Variants in ITIH4 observed in about 807,000 individuals in gnomAD.
The protein encoded by ITIH4 is inter-alpha-trypsin inhibitor heavy chain 4, also known as inter-alpha-trypsin inhibitor heavy chain H4.
A neutral mutation model predicts 111.8 loss-of-function variants in ITIH4; 79 were observed. The observed-to-expected ratio is 0.71, with a 90% CI of 0.59 to 0.85. ITIH4 has a LOEUF of 0.85. Ranked by LOEUF, ITIH4 falls within the 40% of genes least tolerant of loss-of-function variation. The probability of loss-of-function intolerance (pLI) is 0.00; values close to 1 mark genes in which losing one functional copy is unlikely to be tolerated. For missense variants in ITIH4, 1,065 were observed against 1,195.8 expected, an observed-to-expected ratio of 0.89 and a Z score of 1.61; for synonymous variants, 472 against 468.3, an observed-to-expected ratio of 1.01 and a Z score of -0.10.
intron 2 of ITIH4, among the ~76,000 whole-genome samples, chr3:52,827,561 A>T (rs898139723): frequency 5.3e-5 from 8 of 152,134 alleles, no homozygotes; most frequent in Middle Eastern, 3.2e-3. Context: ...CATTTCACGG[A>T]CTGTTCCAGG....
chr3:52,827,027 A>G, intron 3 of ITIH4, 66 bp downstream of exon 3: 5 of 1,611,684 alleles, frequency 3.1e-6, no homozygotes, highest in Non-Finnish European at 4.2e-6. Context: ...GAGCAGGACT[A>G]AGGGCCAAAG....
At position 52,813,182 on chromosome 3, in the gene ITIH4, T is replaced by A. The variant is rs1700220958; in HGVS notation, c.*239A>T. ...ATGGGCCTTCCTGGCCATGGGCTCTTGAGAGCTGACAGTGGAAGCTTCTGT... is the reference window on the plus strand; with the variant it reads ...ATGGGCCTTCCTGGCCATGGGCTCTAGAGAGCTGACAGTGGAAGCTTCTGT... On this transcript the variant is annotated 3_prime_UTR_variant, in exon 24 of 24. Transcript: ENST00000266041. 1 of 519,632 alleles carries A rather than the reference T, an allele frequency of 1.9e-6. No homozygotes were observed. Among genetic ancestry groups the A allele is most frequent in the Admixed American group, 3.4e-5 (1 of 29,444 alleles). 32.2% of individuals were successfully genotyped at this position (519,632 alleles called of 1,614,324 possible).
In ITIH4 at chr3:52,818,522, G is replaced by A. The variant is rs4687657; in HGVS notation, c.2092C>T (p.Pro698Ser). ...RRLAILPASA[P>S]PATSNPDPAV... ...GGATCAGGATTTGAGGTGGCTGGTG[G>A]TGCTGAAGCAGGCACTAGGGCAGGA... Residue 698 changes from proline to serine, a missense_variant, in exon 18 of 24, where the codon CCA (proline) becomes TCA (serine). By Grantham distance (74) the Pro-to-Ser change is moderately conservative. Coordinates refer to ENST00000266041, the MANE Select transcript of ITIH4 (RefSeq NM_002218.5). The A allele has an allele frequency of 2.9e-5, 47 of 1,602,408 alleles. No individual in the cohort carries two copies. Among genetic ancestry groups the A allele is most frequent in the Non-Finnish European group, 4.0e-5 (47 of 1,174,384 alleles).
At position 52,817,061 on chromosome 3, in the gene ITIH4, G is replaced by A. The variant is rs540109340; in HGVS notation, c.2297-3C>T. 3.5e-5 allele frequency: 57 copies of A among 1,612,176 alleles called. No homozygotes were observed. In the East Asian group the frequency reaches 1.0e-3, roughly 29 times the overall value. ...ATACTGGCCAGTCACCTCAACCCCT[G>A]GGAGGACCAGACCAGAGAGGTCATA... On this transcript the variant is annotated splice_region_variant and splice_polypyrimidine_tract_variant and intron_variant, in intron 20 of 23. Transcript: ENST00000266041.
chr3:52,821,676 T>C (rs375139307), intron 11 of ITIH4, among the ~76,000 whole-genome samples: 27 of 152,118 alleles, frequency 1.8e-4, no homozygotes, highest in African/African-American at 5.5e-4. Flanking sequence ...CGTGGGACAA[T>C]GACAGGGAAG....
At chr3:52,818,818 G>T (rs1472149672) in intron 17 of ITIH4, 3 of 482,744 alleles carry the variant, frequency 6.2e-6, no homozygotes, top group South Asian at 4.8e-5. Context: ...TTCCTAGAAG[G>T]TTTCCTCATG....
chr3:52,824,386 G>A lies in ITIH4; in HGVS notation c.1045+11C>T, dbSNP rs779002640. 1.4e-5 allele frequency: 22 copies of A among 1,613,784 alleles called. No homozygotes were observed. The African/African-American group carries it at 2.5e-4, about 19-fold the overall frequency. ...GAAGCCCCCACCCTGCAGGGCCACA[G>A]AGACACTTACCTCCCAGGGCCTGGA... is the stretch of plus-strand genomic sequence containing the variant. On this transcript the variant is annotated intron_variant, in intron 8 of 23. Transcript: ENST00000266041. The surrounding 1 kb of genome is among the most constrained non-coding windows in gnomAD (Gnocchi z 4.3).
chr3:52,823,762 T>G lies in ITIH4; in HGVS notation c.1354-21A>C, dbSNP rs34860124. ...AAGTCCTGCAGGGTTGGGGGTGTCA[T>G]AAAGGCTGGGCTTTATGACTGCCCA... On this transcript the variant is annotated intron_variant, in intron 10 of 23. Transcript: ENST00000266041. 42 of 1,613,768 alleles carry G rather than the reference T, an allele frequency of 2.6e-5. No individual in the cohort carries two copies. The East Asian group carries it at 9.4e-4, about 36-fold the overall frequency.
intron 17 of ITIH4, 37 bp from the exon 18 acceptor site, chr3:52,818,573 G>A (rs1172756618): frequency 6.4e-7 from 1 of 1,564,742 alleles, no homozygotes; most frequent in Admixed American, 1.9e-5. Context: ...AAGGGAGCAG[G>A]AAGGCAGTCA....
chr3:52,827,331 G>A, intron 2 of ITIH4, 134 bp from the exon 3 acceptor site: 1 of 737,496 alleles, frequency 1.4e-6, no homozygotes, highest in Non-Finnish European at 2.4e-6. Flanking sequence ...TGAGCCCAGT[G>A]CCATTTATTA....
Position 52,826,797 on chromosome 3 carries a change from G to A in ITIH4, c.513C>T (p.His171=). 7 of 1,613,768 alleles carry A rather than the reference G, an allele frequency of 4.3e-6. No homozygotes were observed. The highest frequency in any genetic ancestry group is 5.9e-6 in the Non-Finnish European group (7 of 1,179,996). ...LKVRPQQLVK[H]LQMDIHIFEP... is the part of the protein sequence containing the mutation. ...AAGAGGTAGCAGCAGGTACCTGCAGGTGCTTGACCAGCTGCTGGGGCCGCA... is the reference window on the plus strand; with the variant it reads ...AAGAGGTAGCAGCAGGTACCTGCAGATGCTTGACCAGCTGCTGGGGCCGCA... The change falls in exon 4 of 24, where the codon CAC becomes CAT. Residue 171 remains histidine (H), a synonymous_variant. Transcript: ENST00000266041.
chr3:52,820,313 A>C lies in ITIH4; in HGVS notation c.1839T>G (p.Ser613Arg), dbSNP rs778526141. 6.2e-7 allele frequency: 1 copy of C among 1,613,932 alleles called. No individual in the cohort carries two copies. Among genetic ancestry groups the C allele is most frequent in the South Asian group, 1.1e-5 (1 of 91,078 alleles). Residue 613 changes from serine to arginine, a missense_variant, in exon 14 of 24, where the codon AGT becomes AGG. By Grantham distance (110) the Ser-to-Arg change is moderately radical (BLOSUM62 -1). Transcript: ENST00000266041. ...QVAEKPMEGE[S>R]RNRNVHSGST... ...TACCTGAGTGGACATTCCTGTTTCTACTTTCTGGATAAAACAAAGAGAGAG... is the reference window on the plus strand; with the variant it reads ...TACCTGAGTGGACATTCCTGTTTCTCCTTTCTGGATAAAACAAAGAGAGAG...
In ITIH4 at chr3:52,826,792, T is replaced by A; in HGVS notation, c.518A>T (p.Gln173Leu). ...CCTGGAAGAGGTAGCAGCAGGTACC[T>A]GCAGGTGCTTGACCAGCTGCTGGGG... ...VRPQQLVKHL[Q>L]MDIHIFEPQG... The change falls in exon 4 of 24, where the codon CAG (glutamine) becomes CTG (leucine). Residue 173 changes from glutamine to leucine, a missense_variant and splice_region_variant. By Grantham distance (113) the Gln-to-Leu change is moderately radical. Transcript: ENST00000266041. 1.2e-6 allele frequency: 2 copies of A among 1,613,744 alleles called. No homozygotes were observed. The highest frequency in any genetic ancestry group is 1.7e-6 in the Non-Finnish European group (2 of 1,179,988).
rs1193821368 is a variant in ITIH4 at position 52,820,691 on chromosome 3, C to T, written c.1774G>A (p.Val592Ile). 3.1e-6 allele frequency: 5 copies of T among 1,614,078 alleles called. No homozygotes were observed. Among genetic ancestry groups the T allele is most frequent in the South Asian group, 1.1e-5 (1 of 91,072 alleles). The change falls in exon 13 of 24, where the codon GTA becomes ATA. Residue 592 changes from valine to isoleucine, a missense_variant. Coordinates refer to ENST00000266041, the MANE Select transcript of ITIH4 (RefSeq NM_002218.5). ...TCTTGGTCATCGGGTTTGGTGACTA[C>T]CATAGATGTGAGAGGCGTGACAAAG... is the stretch of plus-strand genomic sequence containing the variant. ...YSFVTPLTSM[V>I]VTKPDDQEQS...
In ITIH4 at chr3:52,819,380, G is replaced by A. The variant is rs878879912; in HGVS notation, c.2077+13C>T. On this transcript the variant is annotated intron_variant, in intron 17 of 23. Transcript: ENST00000266041. ...GGAAACCGAGGCCCTCGCAGGGCCG[G>A]AAGGCAGCTTACAGATGGCCAGACG... 5.6e-6 allele frequency: 9 copies of A among 1,613,886 alleles called. No homozygotes were observed. The highest frequency in any genetic ancestry group is 7.6e-6 in the Non-Finnish European group (9 of 1,179,808).
At chr3:52,823,798 C>A (rs558770202) in intron 10 of ITIH4, 25 bp downstream of exon 10, 4 of 1,613,648 alleles carry the variant, frequency 2.5e-6, no homozygotes, top group Non-Finnish European at 3.4e-6. Flanking sequence ...CTTCTCTGTG[C>A]AGCCCACCTG....
Position 52,823,811 on chromosome 3 carries a change from G to A in ITIH4, c.1353+12C>T, listed in dbSNP as rs1700434750. On this transcript the variant is annotated intron_variant, in intron 10 of 23. Transcript: ENST00000266041. ...CACTTCTCTGTGCAGCCCACCTGGG[G>A]CACACTGGCACCTGGAGCTGCAGGG... 5 of 1,613,838 alleles carry A rather than the reference G, an allele frequency of 3.1e-6. No individual in the cohort carries two copies. The East Asian group carries it at 1.1e-4, about 36-fold the overall frequency.
rs1289007401 is a variant in ITIH4, at chr3:52,826,958, G to A, written c.357-5C>T. The stretch of plus-strand genomic sequence containing the variant: ...TCCATGTTTCTCCCGGTGGCCCTGG[G>A]GGAGAAGGGCATCAGGCCTGCTCCT... On this transcript the variant is annotated splice_region_variant and splice_polypyrimidine_tract_variant and intron_variant, in intron 3 of 23. Coordinates refer to ENST00000266041, the MANE Select transcript of ITIH4 (RefSeq NM_002218.5). 6.2e-7 allele frequency: 1 copy of A among 1,614,110 alleles called. No homozygotes were observed. Among genetic ancestry groups the A allele is most frequent in the Admixed American group, 1.7e-5 (1 of 60,028 alleles).
At position 52,826,873 on chromosome 3, in the gene ITIH4, T is replaced by C. The variant is rs1296176781; in HGVS notation, c.437A>G (p.Tyr146Cys). The C allele has an allele frequency of 3.7e-6, 6 of 1,614,016 alleles. No individual in the cohort carries two copies. Among genetic ancestry groups the C allele is most frequent in the Non-Finnish European group, 4.2e-6 (5 of 1,180,020 alleles). Residue 146 changes from tyrosine (Y) to cysteine (C), a missense_variant, in exon 4 of 24, where the codon TAT becomes TGT. By Grantham distance (194) the Tyr-to-Cys change is radical. Transcript: ENST00000266041. ...CAAACGCCGCTTGAGCAGCTCCTCA[T>C]AGACCAGCTCAAAGGTGATCTTGGC... ...PNAKITFELV[Y>C]EELLKRRLGV...
Sources: gnomAD v4.1 joint callset for allele counts (sites outside exome capture counted in the v4.1 genomes callset) on GRCh38, gnomAD v4.1.1 for gene constraint, Gnocchi (gnomAD v3.1) non-coding constraint, MANE v1.5 for transcripts, NCBI Gene and HGNC (gene_info 2026-07-23, HGNC 2026-07-21) for gene names.